CHLSN: variants seen among roughly 807,000 people sequenced by gnomAD.
CHLSN encodes the protein protein cholesin.
chr7:986,681 C>T, the CHLSN span: 149 of 1,612,650 alleles, frequency 9.2e-5, 1 homozygote, highest in Non-Finnish European at 1.2e-4. Context: ...GCCCGTCCTG[C>T]GCAAGATCGA....
the CHLSN span, among the ~76,000 whole-genome samples, chr7:1,122,894 C>T: frequency 6.6e-6 from 1 of 152,198 alleles, no homozygotes; most frequent in East Asian, 1.9e-4. Flanking sequence ...AGGACAGAAG[C>T]GGCAGGTGCC....
chr7:984,288 C>T, the CHLSN span: 3 of 1,301,422 alleles, frequency 2.3e-6, no homozygotes, highest in East Asian at 2.6e-5. Flanking sequence ...CTAGGCGTGC[C>T]CCCTCCACCT....
At chr7:1,044,844 G>A in the CHLSN span, among the ~76,000 whole-genome samples, 854 of 152,336 alleles carry the variant, frequency 5.6e-3, 12 homozygotes, top group African/African-American at 0.019. Flanking sequence ...GCTGTCCTCC[G>A]GCCGCGCTCC....
chr7:1,028,901 T>G, the CHLSN span: 6 of 668,038 alleles, frequency 9.0e-6, no homozygotes, highest in South Asian at 7.1e-5. Flanking sequence ...TGACTCCATG[T>G]CCCCCCATCT....
the CHLSN span, among the ~76,000 whole-genome samples, chr7:1,040,257 G>C: frequency 6.6e-6 from 1 of 151,284 alleles, no homozygotes; most frequent in East Asian, 1.9e-4. Context: ...TTGGGAGGCT[G>C]AGGTGGGAGG....
chr7:1,007,992 C>T, the CHLSN span, among the ~76,000 whole-genome samples: 1 of 152,154 alleles, frequency 6.6e-6, no homozygotes, highest in East Asian at 1.9e-4. Flanking sequence ...TCCCCCTTGT[C>T]TAACAGTCCA....
chr7:1,040,952 G>A, the CHLSN span, among the ~76,000 whole-genome samples: 2 of 152,236 alleles, frequency 1.3e-5, no homozygotes, highest in Admixed American at 6.5e-5. Context: ...GCTGCATGCC[G>A]GGCCTCCAGC....
At chr7:1,123,077 G>C in the CHLSN span, among the ~76,000 whole-genome samples, 1 of 152,178 alleles carries the variant, frequency 6.6e-6, no homozygotes, top group Non-Finnish European at 1.5e-5. This position sits in a 1 kb window ranked among gnomAD's most constrained non-coding sequence, Gnocchi z 4.4. Context: ...ACCCAGAGCC[G>C]AGACCCTGAG....
the CHLSN span, among the ~76,000 whole-genome samples, chr7:1,027,744 GTCC>G: frequency 6.6e-6 from 1 of 151,552 alleles, no homozygotes; most frequent in East Asian, 1.9e-4. Flanking sequence ...GCCCGACGGG[GTCC>G]TCTACCCCGG....
At chr7:1,046,140 T>TA in the CHLSN span, among the ~76,000 whole-genome samples, 5 of 152,194 alleles carry the variant, frequency 3.3e-5, no homozygotes, top group African/African-American at 1.2e-4. Context: ...TATGCTCGTG[T>TA]AATTTACAGT....
chr7:1,114,203 G>A, the CHLSN span, among the ~76,000 whole-genome samples: 1 of 152,160 alleles, frequency 6.6e-6, no homozygotes, highest in African/African-American at 2.4e-5. Flanking sequence ...CCCATACAAG[G>A]GCCGGGCTGT....
At chr7:1,086,270 T>C in the CHLSN span, among the ~76,000 whole-genome samples, 1 of 152,228 alleles carries the variant, frequency 6.6e-6, no homozygotes, top group Non-Finnish European at 1.5e-5. Context: ...TATTTCAAGG[T>C]TTGAATTTTT....
At chr7:1,081,080 A>ACGC in the CHLSN span, among the ~76,000 whole-genome samples, 1 of 152,214 alleles carries the variant, frequency 6.6e-6, no homozygotes, top group African/African-American at 2.4e-5. Context: ...GAGGGGGAGC[A>ACGC]CGCCCCCCAC....
the CHLSN span, among the ~76,000 whole-genome samples, chr7:1,052,236 G>A: frequency 2.0e-5 from 3 of 152,342 alleles, no homozygotes; most frequent in Non-Finnish European, 4.4e-5. This position sits in a 1 kb window ranked among gnomAD's most constrained non-coding sequence, Gnocchi z 4.2. Flanking sequence ...CTGAGCAGGC[G>A]CCTGCGTCGA....
chr7:1,121,485 G>C, the CHLSN span, among the ~76,000 whole-genome samples: 3 of 152,188 alleles, frequency 2.0e-5, no homozygotes, highest in Non-Finnish European at 4.4e-5. Flanking sequence ...TGAAGTTCAC[G>C]GCCTCATTTG....
the CHLSN span, among the ~76,000 whole-genome samples, chr7:1,130,458 G>A: frequency 4.5e-4 from 68 of 152,116 alleles, no homozygotes; most frequent in African/African-American, 1.4e-3. Context: ...CTGCTGCAGC[G>A]AAGCCTCCTG....
At chr7:986,532 C>T in the CHLSN span, 20 of 1,455,466 alleles carry the variant, frequency 1.4e-5, no homozygotes, top group East Asian at 3.0e-4. Flanking sequence ...AGTCCCTGGG[C>T]GTGAACACAG....
At chr7:1,086,077 A>G in the CHLSN span, among the ~76,000 whole-genome samples, 1 of 152,242 alleles carries the variant, frequency 6.6e-6, no homozygotes, top group South Asian at 2.1e-4. Flanking sequence ...CTATGCTGCA[A>G]GCAGGAAATC....
the CHLSN span, among the ~76,000 whole-genome samples, chr7:1,071,901 C>T: frequency 6.6e-6 from 1 of 152,216 alleles, no homozygotes; most frequent in African/African-American, 2.4e-5. Flanking sequence ...CAAGACTGCA[C>T]CCCCAGGCCC....
Sources: gnomAD v4.1 joint callset for allele counts (sites outside exome capture counted in the v4.1 genomes callset) on GRCh38, gnomAD v4.1.1 for gene constraint, Gnocchi (gnomAD v3.1) non-coding constraint, MANE v1.5 for transcripts, NCBI Gene and HGNC (gene_info 2026-07-23, HGNC 2026-07-21) for gene names.